The following HMGCLL1 variants were observed in gnomAD, a reference collection of about 807,000 sequenced individuals.
The protein encoded by HMGCLL1 is 3-hydroxymethyl-3-methylglutaryl-CoA lyase, cytoplasmic.
A neutral mutation model predicts 39.1 loss-of-function variants in HMGCLL1; 36 were observed. The ratio of observed to expected loss-of-function variants is 0.92; its 90% CI spans 0.71 to 1.22. The LOEUF (loss-of-function observed/expected upper bound fraction) is 1.22, where lower values mean the gene tolerates loss of function less well. Among genes scored for constraint, HMGCLL1 ranks in the 50% most tolerant of loss-of-function variants. The pLI is 0.00. For synonymous variants in HMGCLL1, 149 were observed against 144.0 expected (o/e 1.03, Z -0.25); for missense variants, 451 against 416.5 (o/e 1.08, Z -0.72).
chr6:55,482,237 C>A (rs936812979), intron 7 of HMGCLL1, among the ~76,000 whole-genome samples: 3 of 152,058 alleles, frequency 2.0e-5, no homozygotes, highest in African/African-American at 7.2e-5. Flanking sequence ...TAGGCATACC[C>A]TTAATCCTTA....
At chr6:55,600,457 T>A in the HMGCLL1 span, among the ~76,000 whole-genome samples, 1 of 152,162 alleles carries the variant, frequency 6.6e-6, no homozygotes, top group African/African-American at 2.4e-5. Flanking sequence ...CTCATGACTA[T>A]CTTTTGAAGT....
chr6:55,656,510 T>G, the HMGCLL1 span, among the ~76,000 whole-genome samples: 1 of 151,860 alleles, frequency 6.6e-6, no homozygotes, highest in East Asian at 1.9e-4. Flanking sequence ...AAACACCTTG[T>G]GTACGTCCCT....
chr6:55,519,518 GTC>G (rs1767926604), intron 3 of HMGCLL1, among the ~76,000 whole-genome samples: 1 of 152,082 alleles, frequency 6.6e-6, no homozygotes, highest in Non-Finnish European at 1.5e-5. Context: ...AGTACTCTCT[GTC>G]TCTGTCTCTG....
chr6:55,587,974 T>A, the HMGCLL1 span, among the ~76,000 whole-genome samples: 1 of 152,142 alleles, frequency 6.6e-6, no homozygotes, highest in South Asian at 2.1e-4. Flanking sequence ...AACACCGCAC[T>A]GTCAACATTA....
rs557120343 is a variant in HMGCLL1 at position 55,571,766 on chromosome 6, G to A, written c.108+7182C>T. Among the ~76,000 whole-genome samples, 8 of 152,112 alleles carry A rather than the reference G, an allele frequency of 5.3e-5. No homozygotes were observed. In the South Asian group the frequency reaches 8.3e-4, roughly 16 times the overall value. On this transcript the variant is annotated intron_variant, in intron 1 of 8. Transcript: ENST00000274901. ...AGAGCTTGCAGTAAGTCGAGATCGC[G>A]CCACTGCACTCCAGCCTGGGTGACA...
chr6:55,579,221 A>C, upstream of HMGCLL1: 2 of 615,668 alleles, frequency 3.2e-6, no homozygotes, highest in Non-Finnish European at 2.9e-6. Flanking sequence ...GAGGGCGGGG[A>C]GTGGGGCGTG....
At chr6:55,515,925 T>A (rs1217647830) in intron 4 of HMGCLL1, among the ~76,000 whole-genome samples, 1 of 152,082 alleles carries the variant, frequency 6.6e-6, no homozygotes, top group Non-Finnish European at 1.5e-5. Flanking sequence ...AATAAGCCCA[T>A]ATACGGATAA....
At chr6:55,627,233 T>G in the HMGCLL1 span, among the ~76,000 whole-genome samples, 3 of 152,058 alleles carry the variant, frequency 2.0e-5, no homozygotes, top group Non-Finnish European at 4.4e-5. Context: ...AACATTTTTG[T>G]GCATGTATAC....
At chr6:55,515,546 G>T (rs1394746634) in intron 4 of HMGCLL1, among the ~76,000 whole-genome samples, 3 of 152,004 alleles carry the variant, frequency 2.0e-5, no homozygotes, top group Admixed American at 2.0e-4. Flanking sequence ...TATCACACAG[G>T]GAGTAAAAGT....
At chr6:55,509,927 A>G (rs73449008) in intron 5 of HMGCLL1, among the ~76,000 whole-genome samples, 4,378 of 152,022 alleles carry the variant, frequency 0.029, 214 homozygotes, top group African/African-American at 0.1. Context: ...CTGACTCCTT[A>G]CTTCCTCCTA....
At chr6:55,447,954 A>G (rs1232745508) in intron 7 of HMGCLL1, among the ~76,000 whole-genome samples, 2 of 152,194 alleles carry the variant, frequency 1.3e-5, no homozygotes, top group Admixed American at 1.3e-4. Flanking sequence ...TTGAATCCAT[A>G]TAACAACTCC....
intron 1 of HMGCLL1, among the ~76,000 whole-genome samples, chr6:55,544,668 G>C (rs1011243074): frequency 6.6e-6 from 1 of 152,088 alleles, no homozygotes; most frequent in African/African-American, 2.4e-5. Context: ...GCCATTTTTA[G>C]GGTCCAGAGC....
chr6:55,673,451 A>T, the HMGCLL1 span, among the ~76,000 whole-genome samples: 1 of 152,068 alleles, frequency 6.6e-6, no homozygotes, highest in South Asian at 2.1e-4. Context: ...TTACATAAAG[A>T]TAACTGATGC....
At chr6:55,507,677 G>T (rs1767240749) in intron 5 of HMGCLL1, among the ~76,000 whole-genome samples, 1 of 151,720 alleles carries the variant, frequency 6.6e-6, no homozygotes. Context: ...CTCCAGCCAA[G>T]CTCTCAAATT....
rs569420613 is a variant in HMGCLL1 at position 55,470,815 on chromosome 6, T to C, written c.795+24604A>G. Among the ~76,000 whole-genome samples, 5 of 151,810 alleles carry C rather than the reference T, an allele frequency of 3.3e-5. No individual in the cohort carries two copies. In the East Asian group the frequency reaches 9.7e-4, roughly 29 times the overall value. On this transcript the variant is annotated intron_variant, in intron 7 of 8. Coordinates refer to ENST00000274901, the MANE Select transcript of HMGCLL1 (RefSeq NM_001042406.2). The stretch of plus-strand genomic sequence containing the variant: ...AAGGGGAAGCAAGGCACATCTTATA[T>C]GGTGGCAGGAGAGAGAGCATGAAGA...
chr6:55,501,271 A>G (rs550032749), intron 5 of HMGCLL1, among the ~76,000 whole-genome samples: 1 of 151,894 alleles, frequency 6.6e-6, no homozygotes, highest in Non-Finnish European at 1.5e-5. Context: ...AGGTTGGTAC[A>G]CTAAGGCCCA....
At chr6:55,502,749 A>G (rs1408390808) in intron 5 of HMGCLL1, among the ~76,000 whole-genome samples, 1 of 151,138 alleles carries the variant, frequency 6.6e-6, no homozygotes, top group African/African-American at 2.4e-5. Flanking sequence ...AATTTTTTAA[A>G]GATTCATTTC....
chr6:55,471,810 C>G (rs910965924), intron 7 of HMGCLL1, among the ~76,000 whole-genome samples: 1 of 151,568 alleles, frequency 6.6e-6, no homozygotes, highest in African/African-American at 2.4e-5. Context: ...ACATTAGCAG[C>G]ATGTTCTCAT....
chr6:55,437,523 G>A lies in HMGCLL1; in HGVS notation c.922-1760C>T, dbSNP rs73444905. ...ATAAAAGAGGATGGAGGATATATGG[G>A]GCACTGTATGCAGGCAGAGAGAAGA... is the stretch of plus-strand genomic sequence containing the variant. On this transcript the variant is annotated intron_variant, in intron 8 of 8. Coordinates refer to ENST00000274901, the MANE Select transcript of HMGCLL1 (RefSeq NM_001042406.2). Among the ~76,000 whole-genome samples the A allele has an allele frequency of 7.3e-3, 1,103 of 151,992 alleles. 12 individuals are homozygous for A. Among genetic ancestry groups the A allele is most frequent in the African/African-American group, 0.025 (1,018 of 41,472 alleles).
Sources: gnomAD v4.1 joint callset for allele counts (sites outside exome capture counted in the v4.1 genomes callset) on GRCh38, gnomAD v4.1.1 for gene constraint, MANE v1.5 for transcripts, NCBI Gene and HGNC (gene_info 2026-07-23, HGNC 2026-07-21) for gene names.